Variants in STK31 observed in about 807,000 individuals in gnomAD.
STK31 encodes serine/threonine kinase 31, also known as serine/threonine-protein kinase 31.
A neutral mutation model predicts 129.7 loss-of-function variants in STK31; 89 were observed. The ratio of observed to expected loss-of-function variants is 0.69; its 90% CI spans 0.58 to 0.82. The LOEUF (loss-of-function observed/expected upper bound fraction) is 0.82. Among genes scored for constraint, STK31 ranks in the 40% least tolerant of loss-of-function variants. The probability of loss-of-function intolerance (pLI) is 0.00; values close to 1 mark genes in which losing one functional copy is unlikely to be tolerated. For synonymous variants in STK31, 448 were observed against 395.3 expected (o/e 1.13, Z -1.58); for missense variants, 1,187 against 1,176.4 (o/e 1.01, Z -0.13).
chr7:23,830,220 A>C (rs1794458437), intron 23 of STK31, among the ~76,000 whole-genome samples: 7 of 152,008 alleles, frequency 4.6e-5, no homozygotes. Context: ...CTAGCAGTTT[A>C]TTGATTTTGT....
At chr7:23,735,142 A>G (rs1229244456) in intron 6 of STK31, among the ~76,000 whole-genome samples, 1 of 152,006 alleles carries the variant, frequency 6.6e-6, no homozygotes, top group Admixed American at 6.6e-5. Flanking sequence ...TAAAACTTTC[A>G]AAGTTTTGTA....
chr7:23,765,369 A>G, intron 11 of STK31, among the ~76,000 whole-genome samples: 1 of 151,760 alleles, frequency 6.6e-6, no homozygotes, highest in Admixed American at 6.6e-5. Context: ...TTTATTTTTA[A>G]CCTTTTGTAT....
At chr7:23,826,334 TC>T (rs968814762) in intron 23 of STK31, among the ~76,000 whole-genome samples, 2 of 152,156 alleles carry the variant, frequency 1.3e-5, no homozygotes, top group Non-Finnish European at 2.9e-5. Context: ...GTTGAATTGA[TC>T]CCTTTAACAT....
rs756831151 is a variant in STK31 at position 23,769,076 on chromosome 7, G to A, written c.1498G>A (p.Asp500Asn). The A allele has an allele frequency of 1.2e-5, 20 of 1,613,226 alleles. No individual in the cohort carries two copies. The South Asian group carries it at 1.8e-4, about 14-fold the overall frequency. Residue 500 changes from aspartate (D) to asparagine (N), a missense_variant, in exon 12 of 24, where the codon GAC (aspartate) becomes AAC (asparagine). By Grantham distance (23) the Asp-to-Asn change is conservative. Coordinates refer to ENST00000355870, the MANE Select transcript of STK31 (RefSeq NM_031414.5). The stretch of plus-strand genomic sequence containing the variant: ...TGATGAAATACTTAAAAAATTTTAT[G>A]ACTGGAAGTGTGATAAAAGAGAGGA... ...NSDEILKKFY[D>N]WKCDKREEFT...
chr7:23,772,113 T>C (rs550952121), intron 14 of STK31, 34 bp from the exon 15 acceptor site: 30 of 1,449,688 alleles, frequency 2.1e-5, no homozygotes, highest in Non-Finnish European at 2.7e-5. Flanking sequence ...ACTTTTCTTA[T>C]GTGTTTGAAA....
chr7:23,817,715 T>C (rs549314006), intron 23 of STK31, among the ~76,000 whole-genome samples: 1 of 152,336 alleles, frequency 6.6e-6, no homozygotes, highest in Admixed American at 6.5e-5. Context: ...AGTAGAGTAA[T>C]GCTGATTTTG....
At chr7:23,725,177 A>G (rs1786978178) in intron 4 of STK31, among the ~76,000 whole-genome samples, 1 of 152,030 alleles carries the variant, frequency 6.6e-6, no homozygotes, top group African/African-American at 2.4e-5. Flanking sequence ...TAAGATTTCC[A>G]ACTCTCCATA....
chr7:23,819,062 AG>A (rs1271678845), intron 23 of STK31, among the ~76,000 whole-genome samples: 3 of 152,336 alleles, frequency 2.0e-5, no homozygotes, highest in Admixed American at 6.5e-5. Context: ...AAGTCAACTT[AG>A]GGAAAATTGT....
At chr7:23,827,318 A>C (rs1794223088) in intron 23 of STK31, among the ~76,000 whole-genome samples, 1 of 151,366 alleles carries the variant, frequency 6.6e-6, no homozygotes, top group African/African-American at 2.4e-5. Flanking sequence ...TTTTCTCTAA[A>C]CTTCTCTTCA....
Position 23,792,317 on chromosome 7 carries a change from T to A in STK31, c.2760+1371T>A, listed in dbSNP as rs866445449. Among the ~76,000 whole-genome samples the A allele has an allele frequency of 2.6e-5, 4 of 152,290 alleles. 1 individual carries two copies. The Middle Eastern group carries it at 0.014, about 518-fold the overall frequency. On this transcript the variant is annotated intron_variant, in intron 22 of 23. Coordinates refer to ENST00000355870, the MANE Select transcript of STK31 (RefSeq NM_031414.5). Reference sequence around the variant, plus strand: ...TTTAATTTCAATATAATTGTGTTTTTATATAAGCAACAAATAATAGGAAAT... The same window carrying A: ...TTTAATTTCAATATAATTGTGTTTTAATATAAGCAACAAATAATAGGAAAT...
chr7:23,819,462 C>T (rs914082515), intron 23 of STK31, among the ~76,000 whole-genome samples: 1 of 150,146 alleles, frequency 6.7e-6, no homozygotes, highest in African/African-American at 2.5e-5. Context: ...GTTGCCAAGG[C>T]TGAAGTGCAG....
At chr7:23,822,880 A>G (rs939901148) in intron 23 of STK31, among the ~76,000 whole-genome samples, 2 of 152,100 alleles carry the variant, frequency 1.3e-5, no homozygotes, top group African/African-American at 4.8e-5. Flanking sequence ...GTTTGCTGAG[A>G]ATGATGGTTT....
intron 7 of STK31, 104 bp downstream of exon 7, chr7:23,736,000 G>GA: frequency 1.1e-6 from 1 of 893,956 alleles, no homozygotes; most frequent in Admixed American, 2.6e-5. Context: ...CTGTGTCAGT[G>GA]ATTTTAAGGG....
At chr7:23,797,635 A>G (rs1437986801) in intron 22 of STK31, among the ~76,000 whole-genome samples, 4 of 152,232 alleles carry the variant, frequency 2.6e-5, no homozygotes, top group Admixed American at 6.5e-5. Flanking sequence ...AATTTATAGC[A>G]CTAAATGCCC....
At chr7:23,791,167 T>A in intron 22 of STK31, 1 of 790,688 alleles carries the variant, frequency 1.3e-6, no homozygotes, top group South Asian at 5.8e-5. Flanking sequence ...CTTGGTTCTG[T>A]TGAAGTCAAG....
intron 22 of STK31, among the ~76,000 whole-genome samples, chr7:23,812,814 G>A (rs550344275): frequency 9.9e-5 from 15 of 152,106 alleles, no homozygotes; most frequent in Admixed American, 4.6e-4. Context: ...AATGGCTTCC[G>A]ATTCCATCCA....
intron 22 of STK31, among the ~76,000 whole-genome samples, chr7:23,797,612 G>T (rs1584464189): frequency 6.6e-6 from 1 of 152,342 alleles, no homozygotes; most frequent in African/African-American, 2.4e-5. Context: ...AGCTAAAGCA[G>T]TGTTTAGAGG....
chr7:23,794,529 G>A (rs557762970), intron 22 of STK31, among the ~76,000 whole-genome samples: 2 of 152,314 alleles, frequency 1.3e-5, no homozygotes, highest in East Asian at 1.9e-4. Context: ...AAAGATACCC[G>A]AAAATGTGGA....
chr7:23,721,772 T>A, intron 4 of STK31: 2 of 673,148 alleles, frequency 3.0e-6, no homozygotes, highest in Non-Finnish European at 5.6e-6. Context: ...CCAAGTGTTT[T>A]GTCCAGTTCT....
Sources: allele counts gnomAD v4.1 joint callset (sites outside exome capture counted in the v4.1 genomes callset), GRCh38; gene constraint gnomAD v4.1.1; transcripts MANE v1.5; gene names NCBI Gene and HGNC (gene_info 2026-07-23, HGNC 2026-07-21).